Variants in RPL3 observed in about 807,000 individuals in gnomAD.
RPL3 encodes the protein ribosomal protein L3.
In RPL3, 3 loss-of-function variants were observed where a neutral mutation model predicts 46.0. That is an observed-to-expected ratio of 0.07 (90% CI 0.03 to 0.17). The LOEUF is 0.17. Among genes scored for constraint, RPL3 ranks in the 10% least tolerant of loss-of-function variants. The probability of loss-of-function intolerance (pLI) is 1.00; values close to 1 mark genes in which losing one functional copy is unlikely to be tolerated. For missense variants in RPL3, 387 were observed against 532.7 expected, an observed-to-expected ratio of 0.73 and a Z score of 2.69; for synonymous variants, 224 against 190.8, an observed-to-expected ratio of 1.17 and a Z score of -1.43.
At chr22:39,313,403 G>C (rs921525627) in intron 8 of RPL3, 93 bp from the exon 9 acceptor site, 7 of 1,560,960 alleles carry the variant, frequency 4.5e-6, no homozygotes, top group South Asian at 1.2e-5. Flanking sequence ...GAAGCCACAC[G>C]ATCAATTCAG....
chr22:39,317,126 G>A (rs1922752588), intron 3 of RPL3: 5 of 591,082 alleles, frequency 8.5e-6, no homozygotes, highest in South Asian at 6.1e-5. Context: ...AGTGATGAAG[G>A]AAATGGGACA....
chr22:39,313,532 C>T (rs745532392), intron 8 of RPL3, 102 bp downstream of exon 8: 26 of 1,288,578 alleles, frequency 2.0e-5, no homozygotes, highest in Non-Finnish European at 2.9e-5. Context: ...CTGCCAACAC[C>T]CTCTCCTTCC....
intron 8 of RPL3, 75 bp downstream of exon 8, chr22:39,313,559 A>C (rs2146509945): frequency 1.4e-6 from 2 of 1,445,546 alleles, no homozygotes; most frequent in South Asian, 2.4e-5. Context: ...CTCCCACCAC[A>C]GGGCCACCAG....
Position 39,317,586 on chromosome 22 carries a change from C to G in RPL3, c.240G>C (p.Glu80Asp), listed in dbSNP as rs752710485. 6.2e-7 allele frequency: 1 copy of G among 1,613,964 alleles called. No individual in the cohort carries two copies. The highest frequency in any genetic ancestry group is 8.5e-7 in the Non-Finnish European group (1 of 1,179,852). The change falls in exon 3 of 10, where the codon GAG becomes GAC. Residue 80 changes from glutamate to aspartate, a missense_variant. By Grantham distance (45) the Glu-to-Asp change is conservative (BLOSUM62 2). Coordinates refer to ENST00000216146, the MANE Select transcript of RPL3 (RefSeq NM_000967.4). ...KEVVEAVTIVETPPMVVVGIV... is the reference protein window; with the variant it reads ...KEVVEAVTIVDTPPMVVVGIV... Reference sequence around the variant, plus strand: ...TGCCCACAACCACCATGGGTGGTGTCTCTACAATGGTCACAGCCTCCACCA... The same window carrying G: ...TGCCCACAACCACCATGGGTGGTGTGTCTACAATGGTCACAGCCTCCACCA...
intron 2 of RPL3, chr22:39,318,192 C>G: frequency 1.8e-6 from 1 of 568,890 alleles, no homozygotes; most frequent in Non-Finnish European, 3.0e-6. Flanking sequence ...CCACACCGCA[C>G]CTAAAGCAAA....
intron 7 of RPL3, 82 bp downstream of exon 7, chr22:39,314,025 G>T (rs1193770222): frequency 8.5e-6 from 10 of 1,181,284 alleles, no homozygotes; most frequent in Non-Finnish European, 1.3e-5. Context: ...TAACGATCCT[G>T]CTAGCAGCCC....
At chr22:39,316,468 C>G (rs1322198656) in intron 4 of RPL3, among the ~76,000 whole-genome samples, 1 of 152,204 alleles carries the variant, frequency 6.6e-6, no homozygotes, top group Non-Finnish European at 1.5e-5. Flanking sequence ...ACTAGGTTTC[C>G]AGGAGAGCAG....
At chr22:39,318,617 A>G (rs776473257) in intron 1 of RPL3, 25 bp from the exon 2 acceptor site, 2 of 1,581,926 alleles carry the variant, frequency 1.3e-6, no homozygotes, top group Admixed American at 1.8e-5. Context: ...AATCACCGTC[A>G]GCACCCAAAC....
In RPL3 at chr22:39,315,016, T is replaced by C. The variant is rs571505082; in HGVS notation, c.689-170A>G. ...TCAAGCTGGATAGGCTCTGGGGGTG[T>C]CACCCTGAACTCAATTCTGAATGGG... On this transcript the variant is annotated intron_variant, in intron 5 of 9. Transcript: ENST00000216146. 5.3e-6 allele frequency: 5 copies of C among 949,136 alleles called. No homozygotes were observed. The East Asian group carries it at 1.3e-4, about 25-fold the overall frequency. The allele number at this position is 949,136 out of a possible 1,614,324, so 58.8% of individuals were successfully genotyped here. A position where few individuals can be genotyped will look rare whatever the true frequency, so the allele number is the denominator to read the frequency against.
At chr22:39,315,331 C>T (rs1327726779) in intron 5 of RPL3, 38 bp downstream of exon 5, 1 of 1,613,676 alleles carries the variant, frequency 6.2e-7, no homozygotes, top group Non-Finnish European at 8.5e-7. Context: ...ACTTCTCCCC[C>T]AGGTTTGCAC....
intron 9 of RPL3, 42 bp from the exon 10 acceptor site, chr22:39,313,026 G>A: frequency 2.5e-6 from 4 of 1,613,626 alleles, no homozygotes; most frequent in Non-Finnish European, 3.4e-6. Flanking sequence ...AAGATGACAG[G>A]TGACAGCAGA....
chr22:39,319,561 G>T, intron 1 of RPL3, 34 bp downstream of exon 1: 3 of 1,562,332 alleles, frequency 1.9e-6, no homozygotes, highest in Non-Finnish European at 2.6e-6. Context: ...GCCGACGCCG[G>T]TGACAATGAA....
At chr22:39,313,613 A>G (rs928066394) in intron 8 of RPL3, 21 bp downstream of exon 8, 1 of 1,609,394 alleles carries the variant, frequency 6.2e-7, no homozygotes. Flanking sequence ...CCCCCCCATG[A>G]CAAGTCAGGA....
At chr22:39,315,961 C>T (rs771176500) in intron 4 of RPL3, among the ~76,000 whole-genome samples, 4 of 152,168 alleles carry the variant, frequency 2.6e-5, no homozygotes, top group Non-Finnish European at 5.9e-5. Flanking sequence ...AATGCATCAC[C>T]GGGAGCGGTG....
chr22:39,318,527 G>C lies in RPL3; in HGVS notation c.69C>G (p.Ser23Arg), dbSNP rs1446936360. Residue 23 changes from serine to arginine, a missense_variant, in exon 2 of 10, where the codon AGC (serine) becomes AGG (arginine). By Grantham distance (110) the Ser-to-Arg change is moderately radical. Transcript: ENST00000216146. ...AGCTCTTCACCTTCCCACGATGCCT[G>C]CTGCTGCGCTTCCGAGGCAGGAAGC... ...SLGFLPRKRS[S>R]RHRGKVKSFP... 6.2e-7 allele frequency: 1 copy of C among 1,613,746 alleles called. No individual in the cohort carries two copies. Among genetic ancestry groups the C allele is most frequent in the East Asian group, 2.2e-5 (1 of 44,884 alleles).
At chr22:39,317,923 C>A in intron 2 of RPL3, 1 of 430,624 alleles carries the variant, frequency 2.3e-6, no homozygotes, top group Non-Finnish European at 4.2e-6. Flanking sequence ...ATTCAGTGCC[C>A]TAACAATAGC....
rs921288337 is a variant in RPL3, at chr22:39,313,121, G to A, written c.1167+70C>T. ...AAGGCATCAAGACCACCCCTACCCC[G>A]GCTGGAGCCAAAGGCAGGCGGCTGC... On this transcript the variant is annotated intron_variant, in intron 9 of 9. Transcript: ENST00000216146. 28 of 1,597,686 alleles carry A rather than the reference G, an allele frequency of 1.8e-5. No homozygotes were observed. The South Asian group carries it at 2.1e-4, about 12-fold the overall frequency.
chr22:39,315,063 G>A (rs1412086337), intron 5 of RPL3: 2 of 705,942 alleles, frequency 2.8e-6, no homozygotes, highest in Admixed American at 2.5e-5. Context: ...GCATCCATTA[G>A]TTTAAGCTCC....
intron 1 of RPL3, chr22:39,319,374 CCTCT>C (rs1922908554): frequency 1.6e-6 from 1 of 637,328 alleles, no homozygotes. Context: ...ACCCTTACGG[CCTCT>C]CTCTGGCCGA....
Sources: allele counts gnomAD v4.1 joint callset (sites outside exome capture counted in the v4.1 genomes callset), GRCh38; gene constraint gnomAD v4.1.1; transcripts MANE v1.5; gene names NCBI Gene and HGNC (gene_info 2026-07-23, HGNC 2026-07-21).